Variants in PTPN4 observed in about 807,000 individuals in gnomAD.
PTPN4 encodes protein tyrosine phosphatase non-receptor type 4, also known as tyrosine-protein phosphatase non-receptor type 4.
Under a neutral mutation model 135.5 loss-of-function variants are expected in PTPN4, and 49 were observed. The observed-to-expected ratio is 0.36, with a 90% CI of 0.29 to 0.46. PTPN4 has a LOEUF of 0.46. Ranked by LOEUF, PTPN4 falls within the 20% of genes least tolerant of loss-of-function variation. PTPN4 has a pLI of 1.00. For synonymous variants in PTPN4, 333 were observed against 369.9 expected, an observed-to-expected ratio of 0.90 and a Z score of 1.14; for missense variants, 860 against 1,101.0, an observed-to-expected ratio of 0.78 and a Z score of 3.10.
At chr2:119,927,137 G>A (rs1433637228) in intron 13 of PTPN4, among the ~76,000 whole-genome samples, 3 of 131,166 alleles carry the variant, frequency 2.3e-5, no homozygotes, top group Non-Finnish European at 3.1e-5. Flanking sequence ...TTTTTGAGAC[G>A]GAGTCTTACC....
intron 1 of PTPN4, among the ~76,000 whole-genome samples, chr2:119,765,905 T>C (rs1237077400): frequency 8.8e-6 from 1 of 114,278 alleles, no homozygotes; most frequent in Admixed American, 1.1e-4. Context: ...TCTGTTCCTG[T>C]GTGTGAATCT....
intron 2 of PTPN4, among the ~76,000 whole-genome samples, chr2:119,840,979 T>C (rs1157395955): frequency 6.6e-6 from 1 of 151,992 alleles, no homozygotes; most frequent in Admixed American, 6.6e-5. Flanking sequence ...ATATTAGACC[T>C]TTGTCAGATG....
intron 2 of PTPN4, among the ~76,000 whole-genome samples, chr2:119,839,381 A>G (rs1215999652): frequency 1.3e-5 from 2 of 152,190 alleles, no homozygotes; most frequent in Non-Finnish European, 2.9e-5. Flanking sequence ...CATGTATAGT[A>G]TTTGTCTTCC....
chr2:119,831,658 A>C (rs1458093227), intron 2 of PTPN4, among the ~76,000 whole-genome samples: 1 of 152,110 alleles, frequency 6.6e-6, no homozygotes, highest in Non-Finnish European at 1.5e-5. Flanking sequence ...ATTTTATTTG[A>C]TATTATAGGC....
intron 1 of PTPN4, among the ~76,000 whole-genome samples, chr2:119,779,353 C>A (rs971432402): frequency 6.6e-6 from 1 of 152,172 alleles, no homozygotes; most frequent in Non-Finnish European, 1.5e-5. Flanking sequence ...CGCGGTGGCT[C>A]ACGCCTGTAA....
At chr2:119,874,634 C>T (rs923588821) in intron 3 of PTPN4, among the ~76,000 whole-genome samples, 1 of 152,094 alleles carries the variant, frequency 6.6e-6, no homozygotes, top group East Asian at 1.9e-4. Flanking sequence ...TTGAGACTGA[C>T]TGCGAATAGG....
chr2:119,951,782 A>G (rs948526450), intron 18 of PTPN4, among the ~76,000 whole-genome samples, 191 bp from the exon 19 acceptor site: 1 of 152,196 alleles, frequency 6.6e-6, no homozygotes, highest in Non-Finnish European at 1.5e-5. Flanking sequence ...AAATTGTTGC[A>G]TGAAGAAGGA....
intron 2 of PTPN4, among the ~76,000 whole-genome samples, chr2:119,854,719 C>T (rs943374308): frequency 6.6e-6 from 1 of 152,124 alleles, no homozygotes; most frequent in African/African-American, 2.4e-5. Flanking sequence ...GATGTGTAAG[C>T]AAGAGGGGGC....
At chr2:119,932,814 A>C (rs1678925747) in intron 14 of PTPN4, among the ~76,000 whole-genome samples, 1 of 152,232 alleles carries the variant, frequency 6.6e-6, no homozygotes, top group Non-Finnish European at 1.5e-5. Context: ...TTCGCAGTTA[A>C]GAGTCCCTGA....
rs914513786 is a variant in PTPN4 at position 119,759,976 on chromosome 2, A to C, written c.-426A>C. ...TGCGCTTTTCCGCTCCTCGCGCCCC[A>C]CCACCAACATTGTTCTCTCAGGACT... On this transcript the variant is annotated 5_prime_UTR_variant, in exon 1 of 27. Transcript: ENST00000263708. The C allele has an allele frequency of 6.6e-5, 25 of 377,332 alleles. No homozygotes were observed. Among genetic ancestry groups the C allele is most frequent in the African/African-American group, 5.0e-4 (24 of 47,892 alleles). The allele number at this position is 377,332 out of a possible 1,614,324, so 23.4% of individuals were successfully genotyped here. A position where few individuals can be genotyped will look rare whatever the true frequency, so the allele number is the denominator to read the frequency against.
chr2:119,819,923 C>T (rs1366932000), intron 2 of PTPN4, among the ~76,000 whole-genome samples: 1 of 152,002 alleles, frequency 6.6e-6, no homozygotes, highest in Non-Finnish European at 1.5e-5. Context: ...TGTGGTAGTA[C>T]CACCATAGTT....
At chr2:119,826,088 TA>T (rs1348884531) in intron 2 of PTPN4, among the ~76,000 whole-genome samples, 2 of 152,212 alleles carry the variant, frequency 1.3e-5, no homozygotes, top group Non-Finnish European at 2.9e-5. Context: ...GTGTATATAT[TA>T]AATGAGTACA....
At chr2:119,927,247 G>A (rs958940651) in intron 13 of PTPN4, among the ~76,000 whole-genome samples, 1 of 151,190 alleles carries the variant, frequency 6.6e-6, no homozygotes, top group East Asian at 2.0e-4. Flanking sequence ...CCTAGTAGCT[G>A]GGATTACGCA....
At chr2:119,810,236 A>G (rs1037607054) in intron 2 of PTPN4, among the ~76,000 whole-genome samples, 49 of 152,334 alleles carry the variant, frequency 3.2e-4, no homozygotes, top group African/African-American at 1.1e-3. Context: ...GAGCAGATCC[A>G]TAGTATGTGT....
At chr2:119,831,971 A>T (rs779732603) in intron 2 of PTPN4, among the ~76,000 whole-genome samples, 4 of 152,036 alleles carry the variant, frequency 2.6e-5, no homozygotes, top group African/African-American at 9.7e-5. Context: ...TTTTGATTTT[A>T]TTTTTTAAGT....
intron 26 of PTPN4, among the ~76,000 whole-genome samples, chr2:119,975,351 A>G (rs1679599515): frequency 6.6e-6 from 1 of 152,120 alleles, no homozygotes; most frequent in Non-Finnish European, 1.5e-5. Context: ...CCTGGCCACA[A>G]GTGATGCTCC....
intron 3 of PTPN4, among the ~76,000 whole-genome samples, chr2:119,865,830 A>G (rs181536792): frequency 6.6e-6 from 1 of 152,218 alleles, no homozygotes; most frequent in East Asian, 1.9e-4. Flanking sequence ...AGACATTGAA[A>G]TTAATGTAAT....
chr2:119,948,559 T>A (rs1679168231), intron 18 of PTPN4, among the ~76,000 whole-genome samples: 1 of 152,160 alleles, frequency 6.6e-6, no homozygotes, highest in African/African-American at 2.4e-5. Flanking sequence ...ATATTAATTA[T>A]ATGGTTTATA....
intron 2 of PTPN4, among the ~76,000 whole-genome samples, chr2:119,844,675 C>T (rs1444334106): frequency 2.0e-5 from 3 of 151,380 alleles, no homozygotes; most frequent in Non-Finnish European, 2.9e-5. Context: ...CAGAGATGCT[C>T]CTCACTTCCT....
Sources: gnomAD v4.1 joint callset for allele counts (sites outside exome capture counted in the v4.1 genomes callset) on GRCh38, gnomAD v4.1.1 for gene constraint, MANE v1.5 for transcripts, NCBI Gene and HGNC (gene_info 2026-07-23, HGNC 2026-07-21) for gene names.